Variants in LYPD3 observed in about 807,000 individuals in gnomAD.
The protein encoded by LYPD3 is ly6/PLAUR domain-containing protein 3.
LYPD3 carries 22 observed loss-of-function variants against 21.7 expected under a neutral mutation model. The observed-to-expected ratio is 1.01, with a 90% CI of 0.72 to 1.45. The LOEUF is 1.45. Ranked by LOEUF, LYPD3 falls within the 40% of genes most tolerant of loss-of-function variation. LYPD3 has a pLI of 0.00. For missense variants in LYPD3, 471 were observed against 466.9 expected, an observed-to-expected ratio of 1.01 and a Z score of -0.08; for synonymous variants, 179 against 203.0, an observed-to-expected ratio of 0.88 and a Z score of 1.00.
chr19:43,464,518 A>G, intron 1 of LYPD3, 62 bp from the exon 2 acceptor site: 1 of 1,603,868 alleles, frequency 6.2e-7, no homozygotes, highest in Non-Finnish European at 8.5e-7. Context: ...CCCCAAGGAG[A>G]AATAGTCCTT....
intron 2 of LYPD3, chr19:43,464,093 G>A (rs943385897): frequency 7.6e-6 from 5 of 659,104 alleles, no homozygotes; most frequent in Non-Finnish European, 1.0e-5. Context: ...TTCCAAACCC[G>A]AGCTCTCCCC....
At position 43,461,249 on chromosome 19, in the gene LYPD3, G is replaced by A; in HGVS notation, c.*102C>T. ...TACTGGGGAATGTTGGAAAAACAGGGGCTGGGCCAGCCCAGTCCAGTGGTG... is the reference window on the plus strand; with the variant it reads ...TACTGGGGAATGTTGGAAAAACAGGAGCTGGGCCAGCCCAGTCCAGTGGTG... On this transcript the variant is annotated 3_prime_UTR_variant, in exon 5 of 5. Transcript: ENST00000244333. The A allele has an allele frequency of 1.5e-6, 2 of 1,365,204 alleles. No homozygotes were observed. The highest frequency in any genetic ancestry group is 2.5e-5 in the East Asian group (1 of 39,500). 84.6% of individuals were successfully genotyped at this position (1,365,204 alleles called of 1,614,324 possible).
rs1970778901 is a variant in LYPD3 at position 43,461,826 on chromosome 19, G to A, written c.566C>T (p.Pro189Leu). Residue 189 changes from proline (P) to leucine (L), a missense_variant, in exon 5 of 5, where the codon CCT (proline) becomes CTT (leucine). By Grantham distance (98) the Pro-to-Leu change is moderately conservative. Transcript: ENST00000244333. Reference protein sequence around the residue: ...LTAANVTVSLPVRGCVQDEFC... With the variant: ...LTAANVTVSLLVRGCVQDEFC... ...TTCATCCTGGACACAGCCCCGGACA[G>A]GCAAGGACACAGTCACATTAGCTGC... 1 of 1,609,498 alleles carries A rather than the reference G, an allele frequency of 6.2e-7. No individual in the cohort carries two copies. The highest frequency in any genetic ancestry group is 8.5e-7 in the Non-Finnish European group (1 of 1,176,174).
chr19:43,464,453 G>A lies in LYPD3; in HGVS notation c.83C>T (p.Ala28Val), dbSNP rs767533862. 1 of 1,613,908 alleles carries A rather than the reference G, an allele frequency of 6.2e-7. No homozygotes were observed. The highest frequency in any genetic ancestry group is 2.2e-5 in the East Asian group (1 of 44,894). Residue 28 changes from alanine to valine, a missense_variant, in exon 2 of 5, where the codon GCG (alanine) becomes GTG (valine). Transcript: ENST00000244333. ...GCAGCTGTAGCACTCCAGGGCCTGC[G>A]CTCCTGGGGGAGCGGAGCCGAATAG... is the stretch of plus-strand genomic sequence containing the variant. ...WLLLLLLRGG[A>V]QALECYSCVQ...
intron 4 of LYPD3, among the ~76,000 whole-genome samples, 159 bp from the exon 5 acceptor site, chr19:43,462,006 C>G (rs960261922): frequency 3.3e-5 from 5 of 151,076 alleles, no homozygotes; most frequent in African/African-American, 7.3e-5. Flanking sequence ...GCAGGTGGAT[C>G]ACTGGGCAAC....
intron 3 of LYPD3, 52 bp from the exon 4 acceptor site, chr19:43,463,339 C>T (rs1319705049): frequency 1.9e-6 from 3 of 1,583,266 alleles, no homozygotes; most frequent in East Asian, 2.3e-5. Context: ...TCGGGAACCG[C>T]AGCTCGTCCT....
intron 1 of LYPD3, among the ~76,000 whole-genome samples, chr19:43,464,851 C>T (rs757940666): frequency 3.3e-5 from 5 of 152,156 alleles, no homozygotes; most frequent in Non-Finnish European, 5.9e-5. Flanking sequence ...CTTCCCACAG[C>T]CCCCTTCTGC....
Position 43,461,631 on chromosome 19 carries a change from G to A in LYPD3, c.761C>T (p.Ser254Phe). 1 of 1,614,202 alleles carries A rather than the reference G, an allele frequency of 6.2e-7. No individual in the cohort carries two copies. Among genetic ancestry groups the A allele is most frequent in the Non-Finnish European group, 8.5e-7 (1 of 1,180,040 alleles). ...TGGGGCCGAGGTAGAAGTGGTGACA[G>A]ATGTGGTTGAGGCCACAGTCGTGGG... ...PEPTTVASTT[S>F]VTTSTSAPVR... The change falls in exon 5 of 5, where the codon TCT becomes TTT. Residue 254 changes from serine (S) to phenylalanine (F), a missense_variant. Transcript: ENST00000244333.
intron 2 of LYPD3, 63 bp downstream of exon 2, chr19:43,464,262 A>G: frequency 6.5e-7 from 1 of 1,543,240 alleles, no homozygotes; most frequent in Non-Finnish European, 8.7e-7. Flanking sequence ...AAGGACTATA[A>G]GGAGGCGGGG....
Position 43,464,335 on chromosome 19 carries a change from C to A in LYPD3, c.201G>T (p.Ala67=), listed in dbSNP as rs1038070307. 10 of 1,608,578 alleles carry A rather than the reference C, an allele frequency of 6.2e-6. No homozygotes were observed. The highest frequency in any genetic ancestry group is 2.2e-5 in the East Asian group (1 of 44,646). ...GVDVCTEAVG[A]VETIHGQFSL... ...GGGGTCCCCACTCACTGGTCTCCAC[C>A]GCCCCCACGGCCTCGGTGCAGACGT... is the stretch of plus-strand genomic sequence containing the variant. The change falls in exon 2 of 5, where the codon GCG becomes GCT. Residue 67 remains alanine (A), a synonymous_variant. Transcript: ENST00000244333.
At chr19:43,463,964 G>T in intron 2 of LYPD3, 195 bp from the exon 3 acceptor site, 1 of 658,354 alleles carries the variant, frequency 1.5e-6, no homozygotes, top group Non-Finnish European at 2.6e-6. Flanking sequence ...GGGAGGAGCG[G>T]GGTCACGGAA....
chr19:43,464,905 G>A (rs924802388), intron 1 of LYPD3, among the ~76,000 whole-genome samples: 4 of 151,060 alleles, frequency 2.6e-5, no homozygotes, highest in Non-Finnish European at 4.4e-5. Context: ...CCCAGGACAG[G>A]GAACACTTTT....
At chr19:43,462,739 C>T (rs1218890349) in intron 4 of LYPD3, among the ~76,000 whole-genome samples, 1 of 152,218 alleles carries the variant, frequency 6.6e-6, no homozygotes, top group Non-Finnish European at 1.5e-5. Flanking sequence ...TGAAGAACTT[C>T]ATTTTCCATG....
At position 43,463,236 on chromosome 19, in the gene LYPD3, C is replaced by T. The variant is rs1375990953; in HGVS notation, c.434G>A (p.Gly145Asp). 2 of 1,607,504 alleles carry T rather than the reference C, an allele frequency of 1.2e-6. No individual in the cohort carries two copies. Among genetic ancestry groups the T allele is most frequent in the Non-Finnish European group, 8.5e-7 (1 of 1,179,990 alleles). Residue 145 changes from glycine (G) to aspartate (D), a missense_variant, in exon 4 of 5, where the codon GGC becomes GAC. Transcript: ENST00000244333. ...PNGVECYSCV[G>D]LSREACQGTS... ...ACCCTGGCACGCCTCCCGGCTCAGG[C>T]CCACACAGCTGTAGCACTCCACGCC...
intron 4 of LYPD3, among the ~76,000 whole-genome samples, 195 bp downstream of exon 4, chr19:43,462,931 C>T (rs1970786778): frequency 1.3e-5 from 2 of 152,196 alleles, no homozygotes; most frequent in South Asian, 4.1e-4. Context: ...CATCACTATC[C>T]CCACACTATT....
At chr19:43,464,216 G>C in intron 2 of LYPD3, 109 bp downstream of exon 2, 1 of 1,408,882 alleles carries the variant, frequency 7.1e-7, no homozygotes, top group Non-Finnish European at 9.5e-7. Context: ...AAAGGGAGGG[G>C]TGGGGCCGCG....
At position 43,465,568 on chromosome 19, in the gene LYPD3, C is replaced by T; in HGVS notation, c.4G>A (p.Asp2Asn). 6.2e-7 allele frequency: 1 copy of T among 1,609,876 alleles called. No homozygotes were observed. The highest frequency in any genetic ancestry group is 2.2e-5 in the East Asian group (1 of 44,868). Residue 2 changes from aspartate to asparagine, a missense_variant, in exon 1 of 5, where the codon GAC (aspartate) becomes AAC (asparagine). Transcript: ENST00000244333. Reference sequence around the variant, plus strand: ...TGGGCACCTGCTTTCCTGGCGGGGTCCATGGCTCCGTCCTGCTCCCTTGGC... The same window carrying T: ...TGGGCACCTGCTTTCCTGGCGGGGTTCATGGCTCCGTCCTGCTCCCTTGGC... Reference protein sequence around the residue: MDPARKAGAQAM... With the variant: MNPARKAGAQAM...
Position 43,464,428 on chromosome 19 carries a change from G to T in LYPD3, c.108C>A (p.Cys36Ter), listed in dbSNP as rs368377860. The change falls in exon 2 of 5, where the codon TGC (cysteine) becomes TGA (stop). Residue 36 changes from cysteine (C) to a stop codon, truncating the protein, a stop_gained. Coordinates refer to ENST00000244333, the MANE Select transcript of LYPD3 (RefSeq NM_014400.3). LOFTEE classifies it high-confidence loss of function. ...GGAQALECYS[C>*]VQKADDGCSP... ...AGCATCCGTCATCTGCTTTCTGCAC[G>T]CAGCTGTAGCACTCCAGGGCCTGCG... 3.1e-6 allele frequency: 5 copies of T among 1,614,100 alleles called. No individual in the cohort carries two copies. The highest frequency in any genetic ancestry group is 3.4e-6 in the Non-Finnish European group (4 of 1,180,036).
rs967346225 is a variant in LYPD3, at chr19:43,461,957, T to C, written c.545-110A>G. 6 of 1,187,416 alleles carry C rather than the reference T, an allele frequency of 5.1e-6. No individual in the cohort carries two copies. The South Asian group carries it at 7.4e-5, about 15-fold the overall frequency. 73.6% of individuals were successfully genotyped at this position (1,187,416 alleles called of 1,614,324 possible). ...GAACAGAGAACCTGACCGGGCGTGG[T>C]GGCTCACGCCTGTAATCCCAGCACT... On this transcript the variant is annotated intron_variant, in intron 4 of 4. Coordinates refer to ENST00000244333, the MANE Select transcript of LYPD3 (RefSeq NM_014400.3).
Sources: allele counts gnomAD v4.1 joint callset (sites outside exome capture counted in the v4.1 genomes callset), GRCh38; gene constraint gnomAD v4.1.1; transcripts MANE v1.5; gene names NCBI Gene and HGNC (gene_info 2026-07-23, HGNC 2026-07-21).